BRINP2: variants seen among roughly 807,000 people sequenced by gnomAD.
BRINP2 encodes the protein BMP/retinoic acid-inducible neural-specific protein 2.
BRINP2 carries 21 observed loss-of-function variants against 69.2 expected under a neutral mutation model. That is an observed-to-expected ratio of 0.30 (90% CI 0.22 to 0.44). BRINP2 has a LOEUF of 0.44. Among genes scored for constraint, BRINP2 ranks in the 20% least tolerant of loss-of-function variants. BRINP2 has a pLI of 1.00. For synonymous variants in BRINP2, 380 were observed against 394.1 expected (o/e 0.96, Z 0.42); for missense variants, 877 against 986.0 (o/e 0.89, Z 1.48).
At chr1:177,181,067 G>A (rs959735831) in intron 1 of BRINP2, among the ~76,000 whole-genome samples, 2 of 151,992 alleles carry the variant, frequency 1.3e-5, no homozygotes, top group African/African-American at 4.8e-5. Flanking sequence ...TATTATTCTC[G>A]TTTTGAAGAT....
At chr1:177,244,578 C>T (rs1451662356) in intron 2 of BRINP2, among the ~76,000 whole-genome samples, 4 of 152,092 alleles carry the variant, frequency 2.6e-5, no homozygotes, top group African/African-American at 4.8e-5. Flanking sequence ...TGCAGTGAGC[C>T]GAGATCATGC....
chr1:177,255,801 G>A, intron 2 of BRINP2, 118 bp from the exon 3 acceptor site: 2 of 1,055,584 alleles, frequency 1.9e-6, no homozygotes, highest in Non-Finnish European at 2.8e-6. Flanking sequence ...CTGAGGGGAT[G>A]TGGGCTGAGA....
chr1:177,239,124 T>C (rs1196279543), intron 2 of BRINP2, among the ~76,000 whole-genome samples: 2 of 152,326 alleles, frequency 1.3e-5, no homozygotes, highest in East Asian at 3.9e-4. Context: ...TGGGGCTCTT[T>C]GTCCTTCTTT....
At chr1:177,242,638 T>G (rs1003221195) in intron 2 of BRINP2, among the ~76,000 whole-genome samples, 2 of 152,204 alleles carry the variant, frequency 1.3e-5, no homozygotes, top group African/African-American at 4.8e-5. Flanking sequence ...TTTATTCATA[T>G]TTTTACCATA....
At chr1:177,238,664 G>A (rs926317) in intron 2 of BRINP2, among the ~76,000 whole-genome samples, 54,005 of 152,008 alleles carry the variant, frequency 0.36, 10,191 homozygotes, top group South Asian at 0.54. Context: ...GCAGGCTCTC[G>A]CCAATCTCCC....
chr1:177,277,346 T>A (rs893910507), intron 6 of BRINP2, among the ~76,000 whole-genome samples: 8 of 151,948 alleles, frequency 5.3e-5, no homozygotes, highest in African/African-American at 1.7e-4. Context: ...AGTGGTTACA[T>A]CTGGATAGAG....
At chr1:177,203,885 T>C (rs1571896424) in intron 1 of BRINP2, among the ~76,000 whole-genome samples, 1 of 152,184 alleles carries the variant, frequency 6.6e-6, no homozygotes, top group South Asian at 2.1e-4. Flanking sequence ...TTCAAGAGGC[T>C]ATAATCAGGA....
Position 177,257,379 on chromosome 1 carries a change from A to C in BRINP2, c.664A>C (p.Ile222Leu). Residue 222 changes from isoleucine (I) to leucine (L), a missense_variant, in exon 4 of 8, where the codon ATC (isoleucine) becomes CTC (leucine). By Grantham distance (5) the Ile-to-Leu change is conservative (BLOSUM62 2). Transcript: ENST00000361539. ...LHHIQIATGA[I>L]KVTETRTGPL... Reference sequence around the variant, plus strand: ...CCATATCCAGATAGCCACGGGGGCCATCAAGGTAATGACCTGAGAGGTACA... The same window carrying C: ...CCATATCCAGATAGCCACGGGGGCCCTCAAGGTAATGACCTGAGAGGTACA... 1 of 1,608,858 alleles carries C rather than the reference A, an allele frequency of 6.2e-7. No homozygotes were observed. Among genetic ancestry groups the C allele is most frequent in the South Asian group, 1.1e-5 (1 of 90,610 alleles).
At position 177,281,546 on chromosome 1, in the gene BRINP2, C is replaced by A; in HGVS notation, c.*18C>A. 2 of 1,575,966 alleles carry A rather than the reference C, an allele frequency of 1.3e-6. No homozygotes were observed. The highest frequency in any genetic ancestry group is 1.2e-5 in the South Asian group (1 of 86,112). ...GTAGCTAATGGGCGGCCCACTTCAGCACTGGGCAAGGAGGGGATCCATGAA... is the reference window on the plus strand; with the variant it reads ...GTAGCTAATGGGCGGCCCACTTCAGAACTGGGCAAGGAGGGGATCCATGAA... On this transcript the variant is annotated 3_prime_UTR_variant, in exon 8 of 8. Transcript: ENST00000361539.
At chr1:177,214,811 G>C (rs763871638) in intron 1 of BRINP2, among the ~76,000 whole-genome samples, 31 of 152,058 alleles carry the variant, frequency 2.0e-4, no homozygotes, top group African/African-American at 7.0e-4. Flanking sequence ...ATATTTATGG[G>C]GCAAAAAGTG....
At position 177,171,483 on chromosome 1, in the gene BRINP2, G is replaced by A; in HGVS notation, c.-326G>A. 1 of 162,374 alleles carries A rather than the reference G, an allele frequency of 6.2e-6. No individual in the cohort carries two copies. The highest frequency in any genetic ancestry group is 1.3e-5 in the Non-Finnish European group (1 of 75,444). The allele number at this position is 162,374 out of a possible 1,614,324, so 10.1% of individuals were successfully genotyped here. A position where few individuals can be genotyped will look rare whatever the true frequency, so the allele number is the denominator to read the frequency against. ...CGGCGGTGGCGGTGGCGGCGGCGGC[G>A]GCACCGACAGTAAAGCGGGGAGCAA... On this transcript the variant is annotated 5_prime_UTR_variant, in exon 1 of 8. Coordinates refer to ENST00000361539, the MANE Select transcript of BRINP2 (RefSeq NM_021165.4).
At chr1:177,259,095 T>C (rs1650859808) in intron 4 of BRINP2, among the ~76,000 whole-genome samples, 3 of 152,240 alleles carry the variant, frequency 2.0e-5, no homozygotes, top group Admixed American at 2.0e-4. Flanking sequence ...GTTAGCCAAG[T>C]TGCAAATGCA....
chr1:177,187,383 G>A (rs142667446), intron 1 of BRINP2, among the ~76,000 whole-genome samples: 24 of 152,268 alleles, frequency 1.6e-4, no homozygotes, highest in African/African-American at 5.1e-4. Context: ...TGAACTTGTT[G>A]CTCTAGACCC....
chr1:177,195,660 G>A (rs555981777), intron 1 of BRINP2, among the ~76,000 whole-genome samples: 15 of 151,174 alleles, frequency 9.9e-5, no homozygotes, highest in African/African-American at 3.2e-4. Flanking sequence ...GCTGGCAAGT[G>A]GGGGGGGAAT....
At chr1:177,257,411 G>A (rs771854731) in intron 4 of BRINP2, 27 bp downstream of exon 4, 2 of 1,571,408 alleles carry the variant, frequency 1.3e-6, no homozygotes, top group Non-Finnish European at 8.7e-7. Context: ...TACAGGGAAG[G>A]GGATGGGGGA....
intron 1 of BRINP2, among the ~76,000 whole-genome samples, chr1:177,181,807 C>A (rs865811411): frequency 2.0e-5 from 3 of 152,292 alleles, no homozygotes; most frequent in Middle Eastern, 3.4e-3. Context: ...CCGCGAGGGA[C>A]CGCGGAGCAA....
At chr1:177,181,442 G>A (rs1328524794) in intron 1 of BRINP2, among the ~76,000 whole-genome samples, 1 of 152,196 alleles carries the variant, frequency 6.6e-6, no homozygotes, top group Non-Finnish European at 1.5e-5. Flanking sequence ...CCCTCACTCC[G>A]GTTCATGCCC....
Position 177,281,299 on chromosome 1 carries a change from A to T in BRINP2, c.2123A>T (p.Tyr708Phe). ...RDLILQLDYP[Y>F]TQGSQDSALL... ...TTAATTCTCCAGTTGGACTACCCAT[A>T]TACTCAAGGTTCCCAGGACTCTGCA... Residue 708 changes from tyrosine to phenylalanine, a missense_variant, in exon 8 of 8, where the codon TAT becomes TTT. Tyr to Phe is a conservative substitution (Grantham distance 22). Transcript: ENST00000361539. The T allele has an allele frequency of 6.2e-7, 1 of 1,614,150 alleles. No homozygotes were observed. Among genetic ancestry groups the T allele is most frequent in the Non-Finnish European group, 8.5e-7 (1 of 1,180,032 alleles).
intron 1 of BRINP2, among the ~76,000 whole-genome samples, chr1:177,208,145 C>A (rs1199304949): frequency 2.6e-5 from 4 of 152,136 alleles, no homozygotes; most frequent in African/African-American, 4.8e-5. Flanking sequence ...TTTTATTGTC[C>A]TGTGGATCAA....
Sources: allele counts gnomAD v4.1 joint callset (sites outside exome capture counted in the v4.1 genomes callset), GRCh38; gene constraint gnomAD v4.1.1; transcripts MANE v1.5; gene names NCBI Gene and HGNC (gene_info 2026-07-23, HGNC 2026-07-21).